The following C6orf89 variants were observed in gnomAD, a reference collection of about 807,000 sequenced individuals.
C6orf89 encodes the protein chromosome 6 open reading frame 89, also known as bombesin receptor-activated protein C6orf89.
Under a neutral mutation model 40.7 loss-of-function variants are expected in C6orf89, and 29 were observed. The observed-to-expected ratio is 0.71, with a 90% CI of 0.53 to 0.97. C6orf89 has a LOEUF of 0.97. Ranked by LOEUF, C6orf89 falls within the 50% of genes least tolerant of loss-of-function variation. C6orf89 has a pLI of 0.00. For synonymous variants in C6orf89, 165 were observed against 152.2 expected, an observed-to-expected ratio of 1.08 and a Z score of -0.62; for missense variants, 392 against 429.1, an observed-to-expected ratio of 0.91 and a Z score of 0.76.
intron 3 of C6orf89, among the ~76,000 whole-genome samples, chr6:36,901,324 T>TA: frequency 3.7e-5 from 1 of 26,970 alleles, no homozygotes; most frequent in South Asian, 1.3e-3. Flanking sequence ...TATTATTATT[T>TA]TTTTTTTTTT....
At chr6:36,906,170 G>A (rs1407999319) in intron 4 of C6orf89, among the ~76,000 whole-genome samples, 1 of 152,204 alleles carries the variant, frequency 6.6e-6, no homozygotes, top group East Asian at 1.9e-4. Context: ...GCAACATCAA[G>A]AAGTTTTGGA....
At chr6:36,902,038 G>C (rs1376342782) in intron 3 of C6orf89, among the ~76,000 whole-genome samples, 183 bp from the exon 4 acceptor site, 1 of 152,178 alleles carries the variant, frequency 6.6e-6, no homozygotes, top group Non-Finnish European at 1.5e-5. Flanking sequence ...GAGCCTTGCA[G>C]TCCCTATAGT....
At chr6:36,901,721 A>T (rs1043378389) in intron 3 of C6orf89, among the ~76,000 whole-genome samples, 1 of 150,244 alleles carries the variant, frequency 6.7e-6, no homozygotes, top group Admixed American at 6.6e-5. Flanking sequence ...CCCAGGCTGG[A>T]GTGCAGTGGC....
chr6:36,918,505 C>A (rs1169378065), intron 7 of C6orf89, among the ~76,000 whole-genome samples: 1 of 152,152 alleles, frequency 6.6e-6, no homozygotes, highest in Non-Finnish European at 1.5e-5. Context: ...TGGGCAAGGC[C>A]TGTGGCAGCA....
At chr6:36,886,305 T>G (rs967429242) in intron 1 of C6orf89, among the ~76,000 whole-genome samples, 3 of 152,230 alleles carry the variant, frequency 2.0e-5, no homozygotes, top group African/African-American at 7.2e-5. Flanking sequence ...TTCTCAGGCA[T>G]CACAGCAGTG....
chr6:36,890,783 C>T (rs1200780700), intron 1 of C6orf89, among the ~76,000 whole-genome samples: 2 of 152,194 alleles, frequency 1.3e-5, no homozygotes, highest in African/African-American at 4.8e-5. Context: ...AAGTGATCCA[C>T]CCGCCTCAAC....
Position 36,923,450 on chromosome 6 carries a change from A to G in C6orf89, c.*9A>G. ...CTTTCTCAGAACTGTAGGAAATAGA[A>G]CTGTGCACAGGAACAGCTTCCAGAG... is the stretch of plus-strand genomic sequence containing the variant. On this transcript the variant is annotated 3_prime_UTR_variant, in exon 9 of 9. Transcript: ENST00000480824. The G allele has an allele frequency of 1.9e-6, 3 of 1,606,130 alleles. No homozygotes were observed. The highest frequency in any genetic ancestry group is 2.6e-6 in the Non-Finnish European group (3 of 1,172,638).
Position 36,886,040 on chromosome 6 carries a change from G to C in C6orf89, c.-120+12G>C. 8.0e-7 allele frequency: 1 copy of C among 1,252,504 alleles called. No homozygotes were observed. The highest frequency in any genetic ancestry group is 1.0e-6 in the Non-Finnish European group (1 of 995,798). The allele number at this position is 1,252,504 out of a possible 1,614,324, so 77.6% of individuals were successfully genotyped here. Reference sequence around the variant, plus strand: ...CGCGAGCCCCGCATGTGAGTGACTGGGGCCCGAGGCTGGGTGGGGGGAGGC... The same window carrying C: ...CGCGAGCCCCGCATGTGAGTGACTGCGGCCCGAGGCTGGGTGGGGGGAGGC... On this transcript the variant is annotated intron_variant, in intron 1 of 8. Coordinates refer to ENST00000480824, the MANE Select transcript of C6orf89 (RefSeq NM_001286635.2).
chr6:36,885,854 G>A, upstream of C6orf89: 1 of 488,108 alleles, frequency 2.0e-6, no homozygotes, highest in Non-Finnish European at 3.3e-6. Flanking sequence ...TGAGTGTTCT[G>A]TTTTGGGCGG....
intron 2 of C6orf89, among the ~76,000 whole-genome samples, chr6:36,879,681 G>T (rs533785483): frequency 2.0e-5 from 3 of 152,040 alleles, no homozygotes; most frequent in African/African-American, 7.2e-5. Context: ...GATAAAACAC[G>T]GGCTTAGGAC....
rs1762712451 is a variant in C6orf89, at chr6:36,927,250, T to C, written c.*3809T>C. ...TACCAAAACCCAGCATAGGACTCAG[T>C]GTACACTTACTTTAAAACAAAAACT... On this transcript the variant is annotated 3_prime_UTR_variant, in exon 9 of 9. Coordinates refer to ENST00000480824, the MANE Select transcript of C6orf89 (RefSeq NM_001286635.2). The C allele has an allele frequency of 2.0e-5, 3 of 152,244 alleles. No homozygotes were observed. Among genetic ancestry groups the C allele is most frequent in the Admixed American group, 2.0e-4 (3 of 15,276 alleles). The allele number at this position is 152,244 out of a possible 1,614,324, so 9.4% of individuals were successfully genotyped here. A position where few individuals can be genotyped will look rare whatever the true frequency, so the allele number is the denominator to read the frequency against.
At position 36,923,812 on chromosome 6, in the gene C6orf89, C is replaced by T. The variant is rs548829577; in HGVS notation, c.*371C>T. The stretch of plus-strand genomic sequence containing the variant: ...CTTCCTTCCCTGGCAGTGGAGAGGG[C>T]AGCCAACAGGTTCTAATGTCAGAGC... On this transcript the variant is annotated 3_prime_UTR_variant, in exon 9 of 9. Coordinates refer to ENST00000480824, the MANE Select transcript of C6orf89 (RefSeq NM_001286635.2). 1.7e-4 allele frequency: 60 copies of T among 344,556 alleles called. No homozygotes were observed. The highest frequency in any genetic ancestry group is 1.3e-3 in the South Asian group (58 of 43,694). The allele number at this position is 344,556 out of a possible 1,614,324, so 21.3% of individuals were successfully genotyped here.
chr6:36,888,505 G>A (rs116347408), intron 1 of C6orf89, among the ~76,000 whole-genome samples: 8,040 of 152,182 alleles, frequency 0.053, 284 homozygotes, highest in Middle Eastern at 0.15. Flanking sequence ...GTGGTGGCGC[G>A]TGCCTGTACT....
At chr6:36,890,084 C>T (rs2150679542) in intron 1 of C6orf89, among the ~76,000 whole-genome samples, 1 of 152,290 alleles carries the variant, frequency 6.6e-6, no homozygotes, top group South Asian at 2.1e-4. Context: ...TGATCCATGC[C>T]ATCAACCTAT....
In C6orf89 at chr6:36,923,377, A is replaced by C; in HGVS notation, c.980A>C (p.Tyr327Ser). The change falls in exon 9 of 9, where the codon TAC becomes TCC. Residue 327 changes from tyrosine to serine, a missense_variant. Coordinates refer to ENST00000480824, the MANE Select transcript of C6orf89 (RefSeq NM_001286635.2). ...GTCGACACCACCCACTGGAAGGTCTACGTTATAGCCAGAGGGGTCCAGCCT... is the reference window on the plus strand; with the variant it reads ...GTCGACACCACCCACTGGAAGGTCTCCGTTATAGCCAGAGGGGTCCAGCCT... Reference protein sequence around the residue: ...GYVDTTHWKVYVIARGVQPLV... With the variant: ...GYVDTTHWKVSVIARGVQPLV... The C allele has an allele frequency of 6.2e-7, 1 of 1,614,126 alleles. No individual in the cohort carries two copies.
chr6:36,887,774 A>C (rs915023956), intron 1 of C6orf89, among the ~76,000 whole-genome samples: 1 of 152,222 alleles, frequency 6.6e-6, no homozygotes. Context: ...GTTGGAGTAC[A>C]GTGGTGCTAT....
intron 2 of C6orf89, among the ~76,000 whole-genome samples, chr6:36,894,937 T>A (rs1761367935): frequency 6.6e-6 from 1 of 152,202 alleles, no homozygotes; most frequent in Admixed American, 6.5e-5. Flanking sequence ...ATTTTTTGGA[T>A]GCAGAAGTAG....
rs753250574 is a variant in C6orf89 at position 36,914,612 on chromosome 6, C to T, written c.614C>T (p.Ala205Val). The T allele has an allele frequency of 5.9e-5, 95 of 1,614,114 alleles. No individual in the cohort carries two copies. The highest frequency in any genetic ancestry group is 7.6e-5 in the Non-Finnish European group (90 of 1,180,052). The change falls in exon 6 of 9, where the codon GCG becomes GTG. Residue 205 changes from alanine (A) to valine (V), a missense_variant. Transcript: ENST00000480824. ...IQHFLCQYPE[A>V]TEGFSEGFFA... Reference sequence around the variant, plus strand: ...CATTTTTTGTGCCAGTACCCTGAGGCGACAGAAGGCTTCTCTGAAGGGTTT... The same window carrying T: ...CATTTTTTGTGCCAGTACCCTGAGGTGACAGAAGGCTTCTCTGAAGGGTTT...
intron 4 of C6orf89, among the ~76,000 whole-genome samples, chr6:36,911,939 C>CA (rs1244659500): frequency 2.0e-5 from 3 of 148,166 alleles, no homozygotes; most frequent in Non-Finnish European, 4.5e-5. Flanking sequence ...AACCCCCCCC[C>CA]CCCGACCTTT....
Sources: gnomAD v4.1 joint callset for allele counts (sites outside exome capture counted in the v4.1 genomes callset) on GRCh38, gnomAD v4.1.1 for gene constraint, MANE v1.5 for transcripts, NCBI Gene and HGNC (gene_info 2026-07-23, HGNC 2026-07-21) for gene names.